Variants in PCDHAC2 observed in about 807,000 individuals in gnomAD.
PCDHAC2 encodes protocadherin alpha subfamily C, 2.
PCDHAC2 carries 24 observed loss-of-function variants against 63.3 expected under a neutral mutation model. The ratio of observed to expected loss-of-function variants is 0.38; its 90% CI spans 0.27 to 0.53. PCDHAC2 has a LOEUF of 0.53. Among genes scored for constraint, PCDHAC2 ranks in the 20% least tolerant of loss-of-function variants. The pLI is 0.81. For missense variants in PCDHAC2, 1,181 were observed against 1,275.2 expected (o/e 0.93, Z 1.12); for synonymous variants, 569 against 529.4 (o/e 1.07, Z -1.03).
chr5:141,007,494 G>A (rs538537497), intron 3 of PCDHAC2, among the ~76,000 whole-genome samples: 20 of 152,150 alleles, frequency 1.3e-4, no homozygotes, highest in African/African-American at 4.8e-4. Flanking sequence ...CTTGGACCTA[G>A]GAGGCAGAGA....
chr5:141,009,562 C>G lies in PCDHAC2; in HGVS notation c.2714-65C>G, dbSNP rs1469033090. On this transcript the variant is annotated intron_variant, in intron 3 of 3. Transcript: ENST00000289269. ...GCCTATGCAGTACTCCTGTACTCTA[C>G]CAGCAGTGTGGCATCAAGAGCATGT... The G allele has an allele frequency of 2.5e-6, 4 of 1,571,226 alleles. No individual in the cohort carries two copies. In the African/African-American group the frequency reaches 5.4e-5, roughly 21 times the overall value.
chr5:141,009,651 C>A lies in PCDHAC2; in HGVS notation c.2738C>A (p.Pro913His). 1 of 1,613,950 alleles carries A rather than the reference C, an allele frequency of 6.2e-7. No individual in the cohort carries two copies. The highest frequency in any genetic ancestry group is 8.5e-7 in the Non-Finnish European group (1 of 1,179,936). Residue 913 changes from proline (P) to histidine (H), a missense_variant, in exon 4 of 4, where the codon CCT (proline) becomes CAT (histidine). By Grantham distance (77) the Pro-to-His change is moderately conservative. Coordinates refer to ENST00000289269, the MANE Select transcript of PCDHAC2 (RefSeq NM_018899.6). Reference protein sequence around the residue: ...TPEPEAGEVSPPVGAGVNSNS... With the variant: ...TPEPEAGEVSHPVGAGVNSNS... ...GAACCAGAGGCAGGAGAAGTGTCCC[C>A]TCCAGTCGGTGCGGGTGTCAACAGC...
chr5:140,975,216 G>A (rs1349439819), intron 1 of PCDHAC2, among the ~76,000 whole-genome samples: 1 of 152,198 alleles, frequency 6.6e-6, no homozygotes, highest in Non-Finnish European at 1.5e-5. Context: ...TGGCACTGGA[G>A]AATCTTCCCT....
intron 3 of PCDHAC2, among the ~76,000 whole-genome samples, chr5:140,983,533 G>A (rs1195364351): frequency 6.6e-6 from 1 of 152,208 alleles, no homozygotes; most frequent in Non-Finnish European, 1.5e-5. Flanking sequence ...TACATTGTAT[G>A]TGTGGTCTCA....
chr5:140,993,462 TCACACA>T (rs3836747), intron 3 of PCDHAC2, among the ~76,000 whole-genome samples: 28,176 of 140,902 alleles, frequency 0.2, 2,920 homozygotes, highest in East Asian at 0.31. Flanking sequence ...TCTTTCTTTC[TCACACA>T]CACACACACA....
Position 140,969,604 on chromosome 5 carries a change from AAC to A in PCDHAC2, c.2565+277_2565+278del. 5.2e-6 allele frequency: 4 copies of A among 765,156 alleles called. No homozygotes were observed. The South Asian group carries it at 6.3e-5, about 12-fold the overall frequency. 47.4% of individuals were successfully genotyped at this position (765,156 alleles called of 1,614,324 possible). A position where few individuals can be genotyped will look rare whatever the true frequency, so the allele number is the denominator to read the frequency against. On this transcript the variant is annotated intron_variant, in intron 1 of 3. Transcript: ENST00000289269. Reference sequence around the variant, plus strand: ...GATTAGTCTTAATATTTAATGCTAAAACACAGATTTGTAGAGAAACAGGACAG... The same window carrying A: ...GATTAGTCTTAATATTTAATGCTAAAACAGATTTGTAGAGAAACAGGACAG...
In PCDHAC2 at chr5:141,009,951, A is replaced by G. The variant is rs2303646; in HGVS notation, c.*14A>G. On this transcript the variant is annotated 3_prime_UTR_variant, in exon 4 of 4. Coordinates refer to ENST00000289269, the MANE Select transcript of PCDHAC2 (RefSeq NM_018899.6). ...AGTGACCAGTGAGGTCCTCAAATGGAAACAAGCCACTTAGCCAGTTTTTGT... is the reference window on the plus strand; with the variant it reads ...AGTGACCAGTGAGGTCCTCAAATGGGAACAAGCCACTTAGCCAGTTTTTGT... 5,767 of 1,593,458 alleles carry G rather than the reference A, an allele frequency of 3.6e-3. 231 individuals are homozygous for G. In the East Asian group the frequency reaches 0.095, roughly 26 times the overall value.
At position 140,966,544 on chromosome 5, in the gene PCDHAC2, G is replaced by C; in HGVS notation, c.-223G>C. ...GCCGAGCCGGGTTGAGCGACTCGGA[G>C]GCGAGCGGAGGAGCTGGAATATGGG... On this transcript the variant is annotated 5_prime_UTR_variant, in exon 1 of 4. Coordinates refer to ENST00000289269, the MANE Select transcript of PCDHAC2 (RefSeq NM_018899.6). 2.1e-6 allele frequency: 1 copy of C among 465,718 alleles called. No homozygotes were observed. The highest frequency in any genetic ancestry group is 3.7e-6 in the Non-Finnish European group (1 of 272,422). The allele number at this position is 465,718 out of a possible 1,614,324, so 28.8% of individuals were successfully genotyped here.
intron 1 of PCDHAC2, among the ~76,000 whole-genome samples, chr5:140,971,134 G>A (rs1387380195): frequency 6.6e-6 from 1 of 152,170 alleles, no homozygotes; most frequent in African/African-American, 2.4e-5. Context: ...GTGGTGAAGA[G>A]GCATGAACAA....
In PCDHAC2 at chr5:140,966,934, G is replaced by C. The variant is rs782780798; in HGVS notation, c.168G>C (p.Ala56=). 3 of 1,604,080 alleles carry C rather than the reference G, an allele frequency of 1.9e-6. No individual in the cohort carries two copies. Among genetic ancestry groups the C allele is most frequent in the Non-Finnish European group, 2.5e-6 (3 of 1,178,574 alleles). The part of the protein sequence containing the change: ...YSVPEEQAPG[A]LVGNVARALG... ...TGCCAGAGGAGCAGGCACCCGGCGC[G>C]CTCGTGGGCAACGTGGCTCGCGCGC... is the stretch of plus-strand genomic sequence containing the variant. Residue 56 remains alanine, a synonymous_variant, in exon 1 of 4, where the codon GCG becomes GCC. Transcript: ENST00000289269.
chr5:140,976,353 C>T (rs1401617354), intron 1 of PCDHAC2, among the ~76,000 whole-genome samples: 2 of 151,992 alleles, frequency 1.3e-5, no homozygotes, highest in African/African-American at 2.4e-5. Context: ...GTGTTCAAGA[C>T]CAGCCTGGCC....
chr5:140,985,060 C>T (rs1377386395), intron 3 of PCDHAC2, among the ~76,000 whole-genome samples: 2 of 152,066 alleles, frequency 1.3e-5, no homozygotes, highest in Admixed American at 6.5e-5. Flanking sequence ...GCCTCAGCCT[C>T]CTGAGTAGCT....
intron 3 of PCDHAC2, among the ~76,000 whole-genome samples, chr5:140,993,020 C>G (rs2097537480): frequency 6.6e-6 from 1 of 152,192 alleles, no homozygotes; most frequent in African/African-American, 2.4e-5. Flanking sequence ...TCCAGCATCC[C>G]CTGTGGGCTC....
At chr5:140,986,951 T>C (rs1421822972) in intron 3 of PCDHAC2, among the ~76,000 whole-genome samples, 1 of 152,128 alleles carries the variant, frequency 6.6e-6, no homozygotes, top group Non-Finnish European at 1.5e-5. Context: ...TGGTCGCTCA[T>C]GCCTGTAATT....
intron 1 of PCDHAC2, among the ~76,000 whole-genome samples, chr5:140,970,213 A>AAAT (rs1198069658): frequency 6.6e-5 from 10 of 152,242 alleles, no homozygotes; most frequent in Admixed American, 2.0e-4. Context: ...AATTTAGCTT[A>AAAT]AATGCAGCCT....
At chr5:140,982,218 G>A (rs1054533925) in intron 2 of PCDHAC2, 11 of 523,574 alleles carry the variant, frequency 2.1e-5, no homozygotes, top group African/African-American at 7.7e-5. Context: ...GCCACATGGC[G>A]TTAATAAAAA....
intron 3 of PCDHAC2, among the ~76,000 whole-genome samples, chr5:140,988,231 A>G (rs2097289009): frequency 6.6e-6 from 1 of 152,150 alleles, no homozygotes. Context: ...TCAGGGATCT[A>G]TGTGAGTGGG....
chr5:140,994,637 G>A (rs1355719166), intron 3 of PCDHAC2, among the ~76,000 whole-genome samples: 1 of 152,078 alleles, frequency 6.6e-6, no homozygotes, highest in Non-Finnish European at 1.5e-5. Context: ...CCTGGAAGGT[G>A]GAGGTTGCAG....
intron 3 of PCDHAC2, among the ~76,000 whole-genome samples, chr5:140,992,293 G>A (rs1043574685): frequency 1.3e-5 from 2 of 152,136 alleles, no homozygotes; most frequent in African/African-American, 2.4e-5. Flanking sequence ...GCAAAGGATG[G>A]GAGTATTGTT....
Sources: gnomAD v4.1 joint callset for allele counts (sites outside exome capture counted in the v4.1 genomes callset) on GRCh38, gnomAD v4.1.1 for gene constraint, MANE v1.5 for transcripts, NCBI Gene and HGNC (gene_info 2026-07-23, HGNC 2026-07-21) for gene names.